The following CCDC77 variants were observed in gnomAD, a reference collection of about 807,000 sequenced individuals.
CCDC77 encodes coiled-coil domain containing 77, also known as coiled-coil domain-containing protein 77.
In CCDC77, 56 loss-of-function variants were observed where a neutral mutation model predicts 66.8. The observed-to-expected ratio is 0.84, with a 90% CI of 0.68 to 1.05. The LOEUF (loss-of-function observed/expected upper bound fraction) is 1.05, where lower values mean the gene tolerates loss of function less well. Ranked by LOEUF, CCDC77 falls within the 50% of genes least tolerant of loss-of-function variation. CCDC77 has a pLI of 0.00. For missense variants in CCDC77, 570 were observed against 576.8 expected (o/e 0.99, Z 0.12); for synonymous variants, 196 against 195.2 (o/e 1.00, Z -0.03).
intron 9 of CCDC77, chr12:436,715 G>T: frequency 1.0e-6 from 1 of 952,958 alleles, no homozygotes. Context: ...CAGAATACCA[G>T]TAACCTTCCT....
intron 4 of CCDC77, among the ~76,000 whole-genome samples, chr12:414,358 G>A (rs890579356): frequency 1.3e-5 from 2 of 152,132 alleles, no homozygotes; most frequent in African/African-American, 4.8e-5. Context: ...CTGAAGTGCT[G>A]GGATTACAGG....
chr12:416,337 GTGTGGGGGT>G (rs1565568918), intron 4 of CCDC77, among the ~76,000 whole-genome samples: 43 of 45,112 alleles, frequency 9.5e-4, no homozygotes, highest in African/African-American at 2.9e-3. Flanking sequence ...GTCTGTGGGT[GTGTGGGGGT>G]GTGTGTGTGT....
At chr12:389,742 C>T (rs555008775) in intron 1 of CCDC77, among the ~76,000 whole-genome samples, 64 of 152,286 alleles carry the variant, frequency 4.2e-4, no homozygotes, top group African/African-American at 1.4e-3. Context: ...CGCGCCTCAC[C>T]GCCCGTGCTT....
chr12:424,656 A>G (rs77517496), intron 5 of CCDC77, among the ~76,000 whole-genome samples: 2,690 of 152,058 alleles, frequency 0.018, 117 homozygotes, highest in South Asian at 0.13. Flanking sequence ...ATGAAGTTCA[A>G]TTTATGTATT....
intron 6 of CCDC77, among the ~76,000 whole-genome samples, chr12:429,782 T>C (rs1474399747): frequency 6.6e-6 from 1 of 151,586 alleles, no homozygotes; most frequent in Non-Finnish European, 1.5e-5. Context: ...AAAAAAACAA[T>C]AAAAATTTTA....
At position 428,868 on chromosome 12, in the gene CCDC77, A is replaced by C; in HGVS notation, c.510+3A>C. 1 of 1,590,170 alleles carries C rather than the reference A, an allele frequency of 6.3e-7. No individual in the cohort carries two copies. The highest frequency in any genetic ancestry group is 1.1e-5 in the South Asian group (1 of 90,168). ...TTTGTAAGGAGCCTCCTCACAAAGT[A>C]AGTAATCTTTGGTGTAGCATGGTGA... On this transcript the variant is annotated splice_donor_region_variant and intron_variant, in intron 6 of 12. Coordinates refer to ENST00000239830, the MANE Select transcript of CCDC77 (RefSeq NM_032358.4).
At chr12:391,776 A>G (rs891081989) in intron 1 of CCDC77, among the ~76,000 whole-genome samples, 1 of 152,240 alleles carries the variant, frequency 6.6e-6, no homozygotes, top group African/African-American at 2.4e-5. Context: ...ATGATTCTCA[A>G]TCATTTTTAT....
intron 5 of CCDC77, 158 bp downstream of exon 5, chr12:418,794 G>T (rs1010725356): frequency 1.4e-6 from 1 of 699,344 alleles, no homozygotes; most frequent in African/African-American, 1.8e-5. Flanking sequence ...CCACCTCCTG[G>T]TTCCAGCGAT....
intron 10 of CCDC77, 103 bp from the exon 11 acceptor site, chr12:440,514 C>T: frequency 7.4e-7 from 1 of 1,349,888 alleles, no homozygotes; most frequent in Non-Finnish European, 1.0e-6. Flanking sequence ...CATTTTGTAC[C>T]TCTGGAAATC....
chr12:436,171 G>A lies in CCDC77; in HGVS notation c.822-2164G>A, dbSNP rs187676455. On this transcript the variant is annotated intron_variant, in intron 9 of 12. Transcript: ENST00000239830. ...CTCGCTGTGTCGTCCAGGCTGGAGTGCAGTGGCACAATCTCGGCTCACTGC... is the reference window on the plus strand; with the variant it reads ...CTCGCTGTGTCGTCCAGGCTGGAGTACAGTGGCACAATCTCGGCTCACTGC... 3.3e-4 allele frequency among the ~76,000 whole-genome samples: 46 copies of A among 139,526 alleles called. 1 individual carries two copies. In the East Asian group the frequency reaches 7.4e-3, roughly 23 times the overall value. 91.5% of individuals were successfully genotyped at this position (139,526 alleles called of 152,430 possible). A position where few individuals can be genotyped will look rare whatever the true frequency, so the allele number is the denominator to read the frequency against.
At chr12:427,405 C>T (rs11062930) in intron 5 of CCDC77, among the ~76,000 whole-genome samples, 33,226 of 151,702 alleles carry the variant, frequency 0.22, 4,042 homozygotes, top group Non-Finnish European at 0.28. Context: ...AGAAACGCCA[C>T]GTTCTGTAAA....
chr12:408,358 T>C (rs1945039179), intron 2 of CCDC77, among the ~76,000 whole-genome samples: 1 of 152,182 alleles, frequency 6.6e-6, no homozygotes, highest in South Asian at 2.1e-4. Context: ...GATCTTGGGT[T>C]ATCAATTGAG....
chr12:427,118 G>GCA (rs1945549604), intron 5 of CCDC77, among the ~76,000 whole-genome samples: 2 of 152,022 alleles, frequency 1.3e-5, no homozygotes, highest in Non-Finnish European at 2.9e-5. Flanking sequence ...TGTGGCATGC[G>GCA]CCTGTAGTCC....
intron 4 of CCDC77, among the ~76,000 whole-genome samples, chr12:416,350 T>G (rs1181528958): frequency 3.5e-5 from 1 of 28,934 alleles, no homozygotes; most frequent in South Asian, 2.0e-3. Flanking sequence ...TGGGGGTGTG[T>G]GTGTGTGTGT....
Position 440,617 on chromosome 12 carries a change from T to A in CCDC77, c.1042T>A (p.Ser348Thr). 6.2e-7 allele frequency: 1 copy of A among 1,613,904 alleles called. No individual in the cohort carries two copies. Among genetic ancestry groups the A allele is most frequent in the Non-Finnish European group, 8.5e-7 (1 of 1,179,948 alleles). The change falls in exon 11 of 13, where the codon TCC becomes ACC. Residue 348 changes from serine (S) to threonine (T), a missense_variant and splice_region_variant. Coordinates refer to ENST00000239830, the MANE Select transcript of CCDC77 (RefSeq NM_032358.4). ...SHHAQSEYIKSLKDKLVQEKK... is the reference protein window; with the variant it reads ...SHHAQSEYIKTLKDKLVQEKK... ...TGTTTTTTGTCCCTTTGACTTGTAGTCCCTAAAAGATAAGTTAGTACAAGA... is the reference window on the plus strand; with the variant it reads ...TGTTTTTTGTCCCTTTGACTTGTAGACCCTAAAAGATAAGTTAGTACAAGA...
intron 4 of CCDC77, among the ~76,000 whole-genome samples, chr12:417,238 G>C (rs946759507): frequency 6.6e-6 from 1 of 151,898 alleles, no homozygotes; most frequent in South Asian, 2.1e-4. Context: ...ATGTCCTCAA[G>C]TTTCGTCTGT....
chr12:433,249 A>C lies in CCDC77; in HGVS notation c.748A>C (p.Arg250=). The part of the protein sequence containing the change: ...REQIEGLIED[R]RIHLEEIQVQ... ...ACAAATTGAAGGGCTCATCGAGGAC[A>C]GACGGATTCACCTTGAGGAAATACA... Residue 250 remains arginine (R), a synonymous_variant, in exon 9 of 13, where the codon AGA becomes CGA. Coordinates refer to ENST00000239830, the MANE Select transcript of CCDC77 (RefSeq NM_032358.4). 1 of 1,614,152 alleles carries C rather than the reference A, an allele frequency of 6.2e-7. No individual in the cohort carries two copies.
At chr12:422,223 C>G (rs559739316) in intron 5 of CCDC77, among the ~76,000 whole-genome samples, 4 of 151,306 alleles carry the variant, frequency 2.6e-5, no homozygotes, top group African/African-American at 7.3e-5. Flanking sequence ...ACTCCATGCT[C>G]CATTACAGTG....
At chr12:418,710 C>A in intron 5 of CCDC77, 74 bp downstream of exon 5, 3 of 1,488,520 alleles carry the variant, frequency 2.0e-6, no homozygotes, top group South Asian at 1.2e-5. Context: ...TTCATTCATT[C>A]ATTGATTTAG....
Sources: gnomAD v4.1 joint callset for allele counts (sites outside exome capture counted in the v4.1 genomes callset) on GRCh38, gnomAD v4.1.1 for gene constraint, MANE v1.5 for transcripts, NCBI Gene and HGNC (gene_info 2026-07-23, HGNC 2026-07-21) for gene names.